The following UST variants were observed in gnomAD, a reference collection of about 807,000 sequenced individuals.
UST encodes chondroitin sulfate 2-O-sulfotransferase.
A neutral mutation model predicts 45.6 loss-of-function variants in UST; 21 were observed. The observed-to-expected ratio is 0.46, with a 90% CI of 0.33 to 0.66. The LOEUF (loss-of-function observed/expected upper bound fraction) is 0.66. UST is among the 30% of genes least tolerant of loss of function. The probability of loss-of-function intolerance (pLI) is 0.02; values close to 1 mark genes in which losing one functional copy is unlikely to be tolerated. For synonymous variants in UST, 215 were observed against 200.6 expected (o/e 1.07, Z -0.61); for missense variants, 463 against 512.4 (o/e 0.90, Z 0.93).
At chr6:149,020,351 C>T (rs1775960480) in intron 6 of UST, among the ~76,000 whole-genome samples, 1 of 152,116 alleles carries the variant, frequency 6.6e-6, no homozygotes, top group Non-Finnish European at 1.5e-5. Context: ...TCCTGGTTAA[C>T]ATTTAGTGCT....
At position 149,073,873 on chromosome 6, in the gene UST, G is replaced by A; in HGVS notation, c.978G>A (p.Lys326=). The part of the protein sequence containing the change: ...KLGNMTVTVK[K]TVPSPEAVQI... ...GAAACATGACTGTGACGGTGAAGAA[G>A]ACTGTCCCCTCTCCTGAGGCTGTGC... Residue 326 remains lysine, a synonymous_variant, in exon 8 of 8, where the codon AAG becomes AAA. Transcript: ENST00000367463. 1 of 1,614,198 alleles carries A rather than the reference G, an allele frequency of 6.2e-7. No homozygotes were observed.
chr6:148,837,185 C>T (rs754007274), intron 1 of UST, among the ~76,000 whole-genome samples: 3 of 152,088 alleles, frequency 2.0e-5, no homozygotes, highest in Non-Finnish European at 4.4e-5. Flanking sequence ...AATTTTGGAG[C>T]AATTTTGGAC....
chr6:148,776,075 T>C (rs1364894138), intron 1 of UST, among the ~76,000 whole-genome samples: 1 of 152,224 alleles, frequency 6.6e-6, no homozygotes, highest in Non-Finnish European at 1.5e-5. Context: ...TTAAAGGACA[T>C]GTGAATTCCA....
At chr6:148,831,826 G>A (rs1241160286) in intron 1 of UST, among the ~76,000 whole-genome samples, 1 of 152,046 alleles carries the variant, frequency 6.6e-6, no homozygotes, top group Non-Finnish European at 1.5e-5. Flanking sequence ...TAGGTGGGGT[G>A]GAACTGAGAC....
At chr6:148,798,151 A>G (rs1324219199) in intron 1 of UST, among the ~76,000 whole-genome samples, 1 of 152,214 alleles carries the variant, frequency 6.6e-6, no homozygotes, top group African/African-American at 2.4e-5. Flanking sequence ...CCGAGCAGGC[A>G]CATGATGGAG....
At chr6:148,876,373 T>A (rs892696015) in intron 1 of UST, among the ~76,000 whole-genome samples, 2 of 152,152 alleles carry the variant, frequency 1.3e-5, no homozygotes, top group African/African-American at 4.8e-5. Flanking sequence ...GGAGGGGACA[T>A]CCAAACTATA....
intron 2 of UST, among the ~76,000 whole-genome samples, chr6:148,887,590 G>A (rs1778936422): frequency 6.6e-6 from 1 of 152,228 alleles, no homozygotes; most frequent in Non-Finnish European, 1.5e-5. Context: ...ACTTTCTTGA[G>A]CTCAATGAAA....
At chr6:148,993,432 A>G (rs984659692) in intron 5 of UST, among the ~76,000 whole-genome samples, 1 of 151,594 alleles carries the variant, frequency 6.6e-6, no homozygotes, top group African/African-American at 2.4e-5. Context: ...TTTTTAAACC[A>G]AACTAGCATC....
intron 5 of UST, among the ~76,000 whole-genome samples, chr6:149,010,895 C>CAAAAAAAAAAAAAAAAA (rs1172538648): frequency 1.5e-5 from 1 of 65,612 alleles, no homozygotes; most frequent in African/African-American, 6.6e-5. Flanking sequence ...CCGTCTCAAC[C>CAAAAAAAAAAAAAAAAA]AAAAAAAAAA....
intron 1 of UST, among the ~76,000 whole-genome samples, chr6:148,787,524 C>T (rs1259051869): frequency 6.6e-6 from 1 of 152,018 alleles, no homozygotes; most frequent in Non-Finnish European, 1.5e-5. Context: ...TTTCTGGGTT[C>T]TCTATTCTGT....
chr6:148,991,192 A>G (rs182118857), intron 5 of UST, among the ~76,000 whole-genome samples: 12 of 152,278 alleles, frequency 7.9e-5, no homozygotes, highest in Admixed American at 7.8e-4. Flanking sequence ...CCCCACAAAA[A>G]GTTCATGGGT....
chr6:148,777,348 G>A lies in UST; in HGVS notation c.247+29671G>A, dbSNP rs535577904. ...ATTATGCAATTTTCAGTTTCTCTCA[G>A]ATAATACCAAATCAAACAAAGGTGA... On this transcript the variant is annotated intron_variant, in intron 1 of 7. Transcript: ENST00000367463. Among the ~76,000 whole-genome samples the A allele has an allele frequency of 5.9e-5, 9 of 152,282 alleles. No individual in the cohort carries two copies. In the East Asian group the frequency reaches 1.7e-3, roughly 29 times the overall value.
At chr6:148,820,313 C>CGTGT (rs146697321) in intron 1 of UST, among the ~76,000 whole-genome samples, 4 of 151,998 alleles carry the variant, frequency 2.6e-5, no homozygotes, top group Non-Finnish European at 4.4e-5. Flanking sequence ...TCTCAAGACA[C>CGTGT]GTGTGTGTGT....
intron 7 of UST, among the ~76,000 whole-genome samples, chr6:149,052,853 G>T (rs1424146626): frequency 6.6e-6 from 1 of 152,194 alleles, no homozygotes; most frequent in Admixed American, 6.5e-5. Flanking sequence ...TAAAGTGCTT[G>T]CAAAGACTCA....
At chr6:148,775,050 A>G (rs1032384848) in intron 1 of UST, among the ~76,000 whole-genome samples, 1 of 152,134 alleles carries the variant, frequency 6.6e-6, no homozygotes, top group African/African-American at 2.4e-5. Context: ...CATGAAAGAA[A>G]AGCTTGTTAA....
chr6:148,839,399 C>T (rs994700503), intron 1 of UST, among the ~76,000 whole-genome samples: 1 of 152,216 alleles, frequency 6.6e-6, no homozygotes, highest in Non-Finnish European at 1.5e-5. Context: ...CTAAAGCCAA[C>T]CTCTCTGCTC....
At position 149,076,580 on chromosome 6, in the gene UST, T is replaced by G. The variant is rs572497865; in HGVS notation, c.*2464T>G. On this transcript the variant is annotated 3_prime_UTR_variant, in exon 8 of 8. Transcript: ENST00000367463. ...CTCTAGGTCCTAAAAGTCAAGGTAC[T>G]TCAGTTTATTTGGCAAACATGACAA... 6.6e-6 allele frequency: 1 copy of G among 151,722 alleles called. No individual in the cohort carries two copies. The highest frequency in any genetic ancestry group is 1.5e-5 in the Non-Finnish European group (1 of 67,832). 9.4% of individuals were successfully genotyped at this position (151,722 alleles called of 1,614,324 possible). A position where few individuals can be genotyped will look rare whatever the true frequency, so the allele number is the denominator to read the frequency against.
chr6:149,054,068 C>T (rs1423531388), intron 7 of UST, among the ~76,000 whole-genome samples: 1 of 152,186 alleles, frequency 6.6e-6, no homozygotes, highest in Non-Finnish European at 1.5e-5. Flanking sequence ...CCCATCCCCC[C>T]ATGCCCAGCA....
At chr6:149,016,736 T>C (rs915547692) in intron 5 of UST, among the ~76,000 whole-genome samples, 1 of 152,218 alleles carries the variant, frequency 6.6e-6, no homozygotes, top group Admixed American at 6.5e-5. Flanking sequence ...TGACTGCGTA[T>C]GTGACAGTTC....
Sources: allele counts gnomAD v4.1 joint callset (sites outside exome capture counted in the v4.1 genomes callset), GRCh38; gene constraint gnomAD v4.1.1; transcripts MANE v1.5; gene names NCBI Gene and HGNC (gene_info 2026-07-23, HGNC 2026-07-21).